The following CAMKMT variants were observed in gnomAD, a reference collection of about 807,000 sequenced individuals.
CAMKMT encodes calmodulin-lysine N-methyltransferase.
A neutral mutation model predicts 48.0 loss-of-function variants in CAMKMT; 53 were observed. That is an observed-to-expected ratio of 1.10 (90% CI 0.89 to 1.39). The LOEUF (loss-of-function observed/expected upper bound fraction) is 1.39, where lower values mean the gene tolerates loss of function less well. Ranked by LOEUF, CAMKMT falls within the 40% of genes most tolerant of loss-of-function variation. CAMKMT has a pLI of 0.00. For missense variants in CAMKMT, 428 were observed against 402.7 expected, an observed-to-expected ratio of 1.06 and a Z score of -0.54; for synonymous variants, 165 against 152.3, an observed-to-expected ratio of 1.08 and a Z score of -0.61.
intron 3 of CAMKMT, among the ~76,000 whole-genome samples, chr2:44,664,222 A>C (rs1674835274): frequency 1.3e-5 from 2 of 152,240 alleles, no homozygotes; most frequent in African/African-American, 4.8e-5. Flanking sequence ...ACTTGGATAA[A>C]ATATGTAGCC....
intron 3 of CAMKMT, among the ~76,000 whole-genome samples, chr2:44,418,895 G>T (rs1267489943): frequency 6.6e-6 from 1 of 152,114 alleles, no homozygotes; most frequent in African/African-American, 2.4e-5. Context: ...GTCTCTTTAT[G>T]TAGGTATTCC....
At chr2:44,611,396 G>A (rs1671590888) in intron 3 of CAMKMT, among the ~76,000 whole-genome samples, 1 of 151,476 alleles carries the variant, frequency 6.6e-6, no homozygotes, top group African/African-American at 2.4e-5. Flanking sequence ...TCGTGCCATT[G>A]CACTCCAGAC....
chr2:44,544,439 C>T (rs1177747523), intron 3 of CAMKMT, among the ~76,000 whole-genome samples: 1 of 152,152 alleles, frequency 6.6e-6, no homozygotes, highest in Non-Finnish European at 1.5e-5. Flanking sequence ...AGGCCATTGT[C>T]TTTAAAGTGG....
chr2:44,507,977 A>G (rs1378236849), intron 3 of CAMKMT, among the ~76,000 whole-genome samples: 2 of 152,322 alleles, frequency 1.3e-5, no homozygotes, highest in African/African-American at 4.8e-5. Context: ...GTGTTTCTCA[A>G]ACTATCTGTG....
intron 3 of CAMKMT, among the ~76,000 whole-genome samples, chr2:44,575,895 G>C (rs954043516): frequency 5.9e-5 from 9 of 152,084 alleles, no homozygotes; most frequent in African/African-American, 2.2e-4. Context: ...TGTAAAGTAT[G>C]AGTGAGACTC....
intron 3 of CAMKMT, among the ~76,000 whole-genome samples, chr2:44,670,194 G>A (rs982896287): frequency 6.6e-6 from 1 of 152,166 alleles, no homozygotes; most frequent in African/African-American, 2.4e-5. Flanking sequence ...GTGCCTTAAT[G>A]AACAGAAATT....
intron 7 of CAMKMT, among the ~76,000 whole-genome samples, chr2:44,734,965 A>G (rs1679278648): frequency 6.6e-6 from 1 of 152,096 alleles, no homozygotes; most frequent in African/African-American, 2.4e-5. Flanking sequence ...TCTGACAATA[A>G]TTTGGTTTCA....
chr2:44,678,687 A>G (rs1217346756), intron 3 of CAMKMT, among the ~76,000 whole-genome samples: 1 of 152,136 alleles, frequency 6.6e-6, no homozygotes, highest in Non-Finnish European at 1.5e-5. Flanking sequence ...TTGTGCTTGT[A>G]TTTTTATCTC....
At chr2:44,412,084 C>T (rs1683243835) in intron 3 of CAMKMT, among the ~76,000 whole-genome samples, 1 of 139,680 alleles carries the variant, frequency 7.2e-6, no homozygotes, top group African/African-American at 2.7e-5. Context: ...AAGACATTAT[C>T]AGAGAAAACA....
intron 3 of CAMKMT, among the ~76,000 whole-genome samples, chr2:44,562,892 C>A (rs1010631196): frequency 6.6e-6 from 1 of 152,174 alleles, no homozygotes; most frequent in Non-Finnish European, 1.5e-5. Context: ...ATATTCCCAT[C>A]TGCCTCCCCT....
rs570549052 is a variant in CAMKMT at position 44,383,889 on chromosome 2, G to T, written c.312-6352G>T. Among the ~76,000 whole-genome samples the T allele has an allele frequency of 3.3e-5, 5 of 152,186 alleles. No homozygotes were observed. The East Asian group carries it at 7.7e-4, about 23-fold the overall frequency. On this transcript the variant is annotated intron_variant, in intron 2 of 10. Coordinates refer to ENST00000378494, the MANE Select transcript of CAMKMT (RefSeq NM_024766.5). ...CCACTCGTTGATTGATGGGCATTTG[G>T]GTTGGTTCCACGATTTTGCAATTGT... is the stretch of plus-strand genomic sequence containing the variant.
intron 3 of CAMKMT, among the ~76,000 whole-genome samples, chr2:44,521,526 G>A (rs575859626): frequency 2.6e-5 from 4 of 152,262 alleles, no homozygotes; most frequent in East Asian, 3.9e-4. Context: ...TGATTCACCC[G>A]CCTTGGCCTC....
At chr2:44,583,703 G>A (rs1041734411) in intron 3 of CAMKMT, among the ~76,000 whole-genome samples, 2 of 152,144 alleles carry the variant, frequency 1.3e-5, no homozygotes, top group Admixed American at 1.3e-4. Context: ...GGGTGAGGGG[G>A]AAGGATGGCT....
chr2:44,647,246 G>C (rs1207731737), intron 3 of CAMKMT, among the ~76,000 whole-genome samples: 1 of 152,168 alleles, frequency 6.6e-6, no homozygotes, highest in Admixed American at 6.5e-5. Context: ...TAATTCTACT[G>C]TTCTCACTTT....
At chr2:44,414,765 A>T (rs976803627) in intron 3 of CAMKMT, among the ~76,000 whole-genome samples, 2 of 152,186 alleles carry the variant, frequency 1.3e-5, no homozygotes, top group African/African-American at 4.8e-5. Flanking sequence ...GGATATCATC[A>T]TTGGTAGTTC....
rs541010080 is a variant in CAMKMT, at chr2:44,362,148, A to T, written c.138+3A>T. 7.9e-5 allele frequency: 116 copies of T among 1,469,942 alleles called. No individual in the cohort carries two copies. Among genetic ancestry groups the T allele is most frequent in the South Asian group, 2.7e-4 (20 of 74,198 alleles). The allele number at this position is 1,469,942 out of a possible 1,614,324, so 91.1% of individuals were successfully genotyped here. A position where few individuals can be genotyped will look rare whatever the true frequency, so the allele number is the denominator to read the frequency against. ...CCCGGTGGAAGCTCCTGCGGCAGGT[A>T]AGGGAGAACCTGCTCGCCTCACCTT... On this transcript the variant is annotated splice_donor_region_variant and intron_variant, in intron 1 of 10. Coordinates refer to ENST00000378494, the MANE Select transcript of CAMKMT (RefSeq NM_024766.5).
At chr2:44,694,124 G>A (rs1357477087) in intron 3 of CAMKMT, among the ~76,000 whole-genome samples, 2 of 152,176 alleles carry the variant, frequency 1.3e-5, no homozygotes, top group African/African-American at 2.4e-5. Flanking sequence ...CCTCCAGGAC[G>A]AACTATGAGA....
chr2:44,452,668 T>A lies in CAMKMT; in HGVS notation c.376+62363T>A, dbSNP rs147485809. 3.3e-3 allele frequency among the ~76,000 whole-genome samples: 496 copies of A among 152,174 alleles called. 2 individuals are homozygous for A. Among genetic ancestry groups the A allele is most frequent in the African/African-American group, 0.011 (457 of 41,582 alleles). ...AAGTTGGAAACCTAGAGATAATTTT[T>A]AAGTAAAATTTATCTTTAACCTTTG... On this transcript the variant is annotated intron_variant, in intron 3 of 10. Coordinates refer to ENST00000378494, the MANE Select transcript of CAMKMT (RefSeq NM_024766.5).
At chr2:44,391,187 T>C (rs187025930) in intron 3 of CAMKMT, among the ~76,000 whole-genome samples, 90 of 152,342 alleles carry the variant, frequency 5.9e-4, no homozygotes, top group Non-Finnish European at 2.9e-5. Context: ...CATAGAATTG[T>C]GTTCAGTAAT....
Sources: gnomAD v4.1 joint callset for allele counts (sites outside exome capture counted in the v4.1 genomes callset) on GRCh38, gnomAD v4.1.1 for gene constraint, MANE v1.5 for transcripts, NCBI Gene and HGNC (gene_info 2026-07-23, HGNC 2026-07-21) for gene names.